Variants in SAMMSON observed in about 807,000 individuals in gnomAD.
The protein encoded by SAMMSON is long intergenic non-protein coding RNA 1212.
intron 2 of SAMMSON, among the ~76,000 whole-genome samples, chr3:70,402,945 T>C (rs552595508): frequency 6.6e-6 from 1 of 152,156 alleles, no homozygotes; most frequent in African/African-American, 2.4e-5. Flanking sequence ...ATATATTATA[T>C]ATATATCATG....
At chr3:70,281,136 GA>G (rs972381443) in intron 6 of SAMMSON, among the ~76,000 whole-genome samples, 61 of 152,256 alleles carry the variant, frequency 4.0e-4, no homozygotes, top group African/African-American at 1.4e-3. Context: ...GGATGTTTCA[GA>G]GGGTAAAGAG....
At chr3:70,418,459 G>A (rs775497858) in intron 2 of SAMMSON, among the ~76,000 whole-genome samples, 1 of 152,148 alleles carries the variant, frequency 6.6e-6, no homozygotes, top group Non-Finnish European at 1.5e-5. Context: ...GCTTACTCTT[G>A]CCTTTGCTGA....
At chr3:70,007,715 C>T (rs1258549276) in intron 1 of SAMMSON, among the ~76,000 whole-genome samples, 1 of 152,058 alleles carries the variant, frequency 6.6e-6, no homozygotes, top group Non-Finnish European at 1.5e-5. Flanking sequence ...ACATGAAGTC[C>T]TTGCCCATGC....
intron 4 of SAMMSON, among the ~76,000 whole-genome samples, chr3:70,199,268 T>A (rs1484528450): frequency 4.6e-5 from 7 of 152,172 alleles, no homozygotes; most frequent in African/African-American, 1.7e-4. Flanking sequence ...GTCTTATAAT[T>A]TCCTGAGAGT....
chr3:70,286,866 G>A (rs138557474), intron 6 of SAMMSON, among the ~76,000 whole-genome samples: 7 of 151,962 alleles, frequency 4.6e-5, no homozygotes, highest in Admixed American at 2.6e-4. Context: ...TTTGTCTGTT[G>A]TTGGTGTATA....
At chr3:70,204,286 T>C (rs1168070370) in intron 4 of SAMMSON, among the ~76,000 whole-genome samples, 1 of 152,102 alleles carries the variant, frequency 6.6e-6, no homozygotes, top group Non-Finnish European at 1.5e-5. Context: ...TCTGTATTTA[T>C]CTCAGTACGA....
At chr3:70,293,647 G>A (rs961666077) in intron 7 of SAMMSON, among the ~76,000 whole-genome samples, 3 of 152,016 alleles carry the variant, frequency 2.0e-5, no homozygotes, top group African/African-American at 7.2e-5. Flanking sequence ...ACATTTTTTT[G>A]TAGGCCTGTT....
chr3:70,335,106 G>T (rs1050520256), intron 7 of SAMMSON, among the ~76,000 whole-genome samples: 2 of 151,674 alleles, frequency 1.3e-5, no homozygotes, highest in African/African-American at 4.8e-5. Context: ...ATGTAGAATG[G>T]GTATAAAAGA....
intron 4 of SAMMSON, among the ~76,000 whole-genome samples, chr3:70,216,824 T>C (rs1701416376): frequency 6.6e-6 from 1 of 152,132 alleles, no homozygotes; most frequent in Non-Finnish European, 1.5e-5. Context: ...TGTCTGGAGA[T>C]AATGTTTATT....
chr3:70,384,709 G>C (rs1703106208), intron 9 of SAMMSON, among the ~76,000 whole-genome samples: 1 of 152,052 alleles, frequency 6.6e-6, no homozygotes, highest in South Asian at 2.1e-4. Flanking sequence ...ACCTTTCTCT[G>C]TCAGAATAAA....
At chr3:70,031,680 AG>A (rs1239488487) in intron 3 of SAMMSON, among the ~76,000 whole-genome samples, 3 of 151,098 alleles carry the variant, frequency 2.0e-5, no homozygotes. Context: ...ACATTTTTGC[AG>A]GAAAAAAAAA....
chr3:70,362,929 T>C (rs1357608138), intron 9 of SAMMSON, among the ~76,000 whole-genome samples: 3 of 151,910 alleles, frequency 2.0e-5, no homozygotes, highest in African/African-American at 4.8e-5. Context: ...TCCAGTAATA[T>C]TGACAGCATG....
At chr3:70,089,788 A>T (rs1015796171) in intron 4 of SAMMSON, among the ~76,000 whole-genome samples, 3 of 152,088 alleles carry the variant, frequency 2.0e-5, no homozygotes, top group Non-Finnish European at 2.9e-5. Context: ...CGCAAGGTTT[A>T]AAAAAAGTAT....
intron 9 of SAMMSON, among the ~76,000 whole-genome samples, chr3:70,384,329 A>C (rs1703102751): frequency 6.6e-6 from 1 of 152,210 alleles, no homozygotes; most frequent in East Asian, 1.9e-4. Flanking sequence ...CCTGAAAAAG[A>C]AAATCAAATG....
At chr3:70,299,149 T>G (rs748612117) in intron 7 of SAMMSON, among the ~76,000 whole-genome samples, 4 of 152,146 alleles carry the variant, frequency 2.6e-5, no homozygotes, top group Non-Finnish European at 5.9e-5. Context: ...ACATAGGTAA[T>G]TGGTTACATA....
chr3:70,171,063 G>C (rs1700939036), intron 4 of SAMMSON, among the ~76,000 whole-genome samples: 1 of 151,834 alleles, frequency 6.6e-6, no homozygotes. Flanking sequence ...ATTTGGCTCT[G>C]TGATATTTTT....
At chr3:70,341,034 A>G (rs1460272175) in intron 7 of SAMMSON, among the ~76,000 whole-genome samples, 1 of 152,156 alleles carries the variant, frequency 6.6e-6, no homozygotes, top group Admixed American at 6.6e-5. Context: ...TGTAATTAAA[A>G]TGTGATTTTG....
chr3:70,163,084 TC>T (rs1395547475), intron 4 of SAMMSON, among the ~76,000 whole-genome samples: 2 of 151,702 alleles, frequency 1.3e-5, no homozygotes, highest in African/African-American at 4.8e-5. Flanking sequence ...TCCTTTTTTT[TC>T]ATTATCTAGT....
rs149292531 is a variant in SAMMSON, at chr3:70,221,825, A to AT, written n.508-27276dup. 6.8e-3 allele frequency among the ~76,000 whole-genome samples: 1,038 copies of AT among 152,236 alleles called. 61 individuals are homozygous for AT. The East Asian group carries it at 0.15, about 22-fold the overall frequency. ...CTTGCCATTTACAGGACATTGCTAA[A>AT]TTTTTTGGCTGGGGCAAAAGTAATT... On this transcript the variant is annotated intron_variant and non_coding_transcript_variant, in intron 4 of 9. Coordinates refer to ENST00000642114, the Ensembl canonical transcript of SAMMSON.
Sources: gnomAD v4.1 joint callset for allele counts (sites outside exome capture counted in the v4.1 genomes callset) on GRCh38, gnomAD v4.1.1 for gene constraint, MANE v1.5 for transcripts, NCBI Gene and HGNC (gene_info 2026-07-23, HGNC 2026-07-21) for gene names.